Variants in RALA observed in about 807,000 individuals in gnomAD.
RALA encodes RAS like proto-oncogene A, also known as ras-related protein Ral-A.
In RALA, 5 loss-of-function variants were observed where a neutral mutation model predicts 24.0. The observed-to-expected ratio is 0.21, with a 90% CI of 0.11 to 0.44. The LOEUF (loss-of-function observed/expected upper bound fraction) is 0.44, where lower values mean the gene tolerates loss of function less well. Ranked by LOEUF, RALA falls within the 20% of genes least tolerant of loss-of-function variation. The pLI is 0.99. For missense variants in RALA, 95 were observed against 241.2 expected (o/e 0.39, Z 4.01); for synonymous variants, 77 against 83.8 (o/e 0.92, Z 0.44).
intron 1 of RALA, among the ~76,000 whole-genome samples, chr7:39,678,349 G>A (rs1011742059): frequency 6.6e-6 from 1 of 152,172 alleles, no homozygotes; most frequent in Non-Finnish European, 1.5e-5. Context: ...ACATACAAGG[G>A]CAGGATTCCA....
intron 1 of RALA, among the ~76,000 whole-genome samples, chr7:39,664,729 T>A (rs1792254528): frequency 6.6e-6 from 1 of 151,910 alleles, no homozygotes; most frequent in Non-Finnish European, 1.5e-5. Flanking sequence ...GAAAACTGTG[T>A]CCGAATGTTG....
intron 1 of RALA, among the ~76,000 whole-genome samples, chr7:39,681,281 C>G (rs548188654): frequency 1.0e-4 from 15 of 146,826 alleles, no homozygotes; most frequent in Admixed American, 9.5e-4. Context: ...TGTTTCTCCT[C>G]AACCCAAACC....
chr7:39,624,892 T>G (rs1449854555), intron 1 of RALA, among the ~76,000 whole-genome samples: 1 of 152,258 alleles, frequency 6.6e-6, no homozygotes, highest in Non-Finnish European at 1.5e-5. Flanking sequence ...AGTATGTTTA[T>G]TAATGTATTT....
At chr7:39,638,471 A>G (rs1319411122) in intron 1 of RALA, among the ~76,000 whole-genome samples, 1 of 152,120 alleles carries the variant, frequency 6.6e-6, no homozygotes, top group Non-Finnish European at 1.5e-5. Context: ...GTAGTATTCT[A>G]TTCTATGGAT....
chr7:39,653,195 A>G (rs139216029), intron 1 of RALA, among the ~76,000 whole-genome samples: 9,427 of 151,804 alleles, frequency 0.062, 385 homozygotes, highest in Non-Finnish European at 0.087. Context: ...ATGCCTGGCT[A>G]ATTTTTGTAT....
At chr7:39,636,179 G>C (rs999473293) in intron 1 of RALA, among the ~76,000 whole-genome samples, 1 of 152,188 alleles carries the variant, frequency 6.6e-6, no homozygotes, top group Non-Finnish European at 1.5e-5. Context: ...TGATGTATGT[G>C]TTTTTGCATA....
chr7:39,651,424 G>A (rs143485750), intron 1 of RALA, among the ~76,000 whole-genome samples: 29 of 152,294 alleles, frequency 1.9e-4, no homozygotes, highest in Non-Finnish European at 4.0e-4. Context: ...AAGCCATCTT[G>A]GAGGCTCCTC....
intron 1 of RALA, among the ~76,000 whole-genome samples, chr7:39,629,079 T>G (rs1190647158): frequency 6.6e-6 from 1 of 152,238 alleles, no homozygotes; most frequent in African/African-American, 2.4e-5. Flanking sequence ...TGAAAAACTT[T>G]GTGTACATGT....
At chr7:39,669,503 T>A (rs567446265) in intron 1 of RALA, among the ~76,000 whole-genome samples, 5 of 152,264 alleles carry the variant, frequency 3.3e-5, no homozygotes, top group African/African-American at 7.2e-5. Flanking sequence ...TATGCTTAGA[T>A]TTTTCTTTTA....
intron 1 of RALA, among the ~76,000 whole-genome samples, chr7:39,635,982 G>A (rs891060285): frequency 3.9e-5 from 6 of 152,152 alleles, no homozygotes; most frequent in African/African-American, 1.4e-4. Context: ...TTTGTGTCTG[G>A]CTACTTTCAC....
chr7:39,677,134 C>T (rs1024737427), intron 1 of RALA, among the ~76,000 whole-genome samples: 2 of 152,172 alleles, frequency 1.3e-5, no homozygotes, highest in East Asian at 1.9e-4. Flanking sequence ...TTCTGTGATG[C>T]GGCCAGGGGC....
At chr7:39,693,560 A>C (rs1412964840) in intron 3 of RALA, among the ~76,000 whole-genome samples, 1 of 152,234 alleles carries the variant, frequency 6.6e-6, no homozygotes, top group Non-Finnish European at 1.5e-5. Context: ...TACAACTTAA[A>C]GTATAATTAA....
At chr7:39,695,245 T>C (rs926652659) in intron 3 of RALA, among the ~76,000 whole-genome samples, 1 of 152,182 alleles carries the variant, frequency 6.6e-6, no homozygotes, top group African/African-American at 2.4e-5. Context: ...GTCAAGTCTC[T>C]TCTATAAAAT....
At position 39,662,078 on chromosome 7, in the gene RALA, A is replaced by G. The variant is rs369433375; in HGVS notation, c.-37-24553A>G. Among the ~76,000 whole-genome samples, 19 of 152,246 alleles carry G rather than the reference A, an allele frequency of 1.2e-4. No individual in the cohort carries two copies. In the South Asian group the frequency reaches 3.7e-3, roughly 30 times the overall value. On this transcript the variant is annotated intron_variant, in intron 1 of 4. Transcript: ENST00000005257. ...ACCTGTACCCTGGCCCCTTTTAGTC[A>G]TAGCTGGAGTGGCTGGGAGGTAGGG...
At chr7:39,646,170 A>G (rs902721182) in intron 1 of RALA, among the ~76,000 whole-genome samples, 1 of 152,198 alleles carries the variant, frequency 6.6e-6, no homozygotes, top group Non-Finnish European at 1.5e-5. Context: ...GCTCATGCAT[A>G]TAGTCCTAAC....
intron 4 of RALA, among the ~76,000 whole-genome samples, chr7:39,705,052 C>G (rs957746001): frequency 4.6e-5 from 7 of 152,160 alleles, no homozygotes; most frequent in African/African-American, 7.2e-5. Flanking sequence ...TCAGAGATGC[C>G]TCACTCTTCC....
chr7:39,640,589 G>GT (rs1791795970), intron 1 of RALA, among the ~76,000 whole-genome samples: 1 of 152,108 alleles, frequency 6.6e-6, no homozygotes, highest in South Asian at 2.1e-4. Context: ...AGAGTGCTAT[G>GT]TTTTTTTGTA....
At chr7:39,631,430 C>G (rs146158090) in intron 1 of RALA, among the ~76,000 whole-genome samples, 2 of 152,060 alleles carry the variant, frequency 1.3e-5, no homozygotes. Flanking sequence ...GCCATCATAG[C>G]TCACTGCAGC....
In RALA at chr7:39,668,153, A is replaced by G. The variant is rs573509634; in HGVS notation, c.-37-18478A>G. Among the ~76,000 whole-genome samples, 6 of 152,358 alleles carry G rather than the reference A, an allele frequency of 3.9e-5. No individual in the cohort carries two copies. The South Asian group carries it at 1.2e-3, about 32-fold the overall frequency. On this transcript the variant is annotated intron_variant, in intron 1 of 4. Transcript: ENST00000005257. ...ATCAGAGATATAATTAGAAATAACA[A>G]TGAGATATTTTTCACAGTATACAAG... is the stretch of plus-strand genomic sequence containing the variant.
Sources: allele counts gnomAD v4.1 joint callset (sites outside exome capture counted in the v4.1 genomes callset), GRCh38; gene constraint gnomAD v4.1.1; transcripts MANE v1.5; gene names NCBI Gene and HGNC (gene_info 2026-07-23, HGNC 2026-07-21).